TACC1: variants seen among roughly 807,000 people sequenced by gnomAD.
The protein encoded by TACC1 is transforming acidic coiled-coil containing protein 1.
A neutral mutation model predicts 84.4 loss-of-function variants in TACC1; 48 were observed. That is an observed-to-expected ratio of 0.57 (90% CI 0.45 to 0.72). The LOEUF (loss-of-function observed/expected upper bound fraction) is 0.72, where lower values mean the gene tolerates loss of function less well. TACC1 is among the 30% of genes least tolerant of loss of function. The probability of loss-of-function intolerance (pLI) is 0.00; values close to 1 mark genes in which losing one functional copy is unlikely to be tolerated. For synonymous variants in TACC1, 372 were observed against 376.3 expected, an observed-to-expected ratio of 0.99 and a Z score of 0.13; for missense variants, 920 against 973.0, an observed-to-expected ratio of 0.95 and a Z score of 0.72.
chr8:38,848,216 T>A lies in TACC1; in HGVS notation c.*193T>A. On this transcript the variant is annotated 3_prime_UTR_variant, in exon 13 of 13. Transcript: ENST00000317827. ...CTGGAAGAAACCCTAGAGGGTTGCA[T>A]AGTCTAGAAAGGAGTGTGACCTGAC... 1.8e-6 allele frequency: 1 copy of A among 543,730 alleles called. No individual in the cohort carries two copies. The highest frequency in any genetic ancestry group is 3.2e-6 in the Non-Finnish European group (1 of 309,220). 33.7% of individuals were successfully genotyped at this position (543,730 alleles called of 1,614,324 possible). A position where few individuals can be genotyped will look rare whatever the true frequency, so the allele number is the denominator to read the frequency against.
intron 3 of TACC1, among the ~76,000 whole-genome samples, chr8:38,774,973 T>C (rs1237277026): frequency 7.3e-6 from 1 of 136,774 alleles, no homozygotes; most frequent in African/African-American, 2.8e-5. Flanking sequence ...ATCGCACCAC[T>C]GCACTCCAGC....
At chr8:38,744,157 C>T (rs1807609334) in intron 2 of TACC1, 1 of 152,224 alleles carries the variant, frequency 6.6e-6, no homozygotes, top group African/African-American at 2.4e-5. Flanking sequence ...TGCTTGAATT[C>T]AGCGATCCCA....
rs1828273274 is a variant in TACC1, at chr8:38,827,176, G to A, written c.1461G>A (p.Gly487=). The change falls in exon 5 of 13, where the codon GGG becomes GGA. Residue 487 remains glycine, a synonymous_variant. Coordinates refer to ENST00000317827, the MANE Select transcript of TACC1 (RefSeq NM_006283.3). ...LALDACSRDE[G]AVISQISDIS... ...TCTGTTGTGTTTCTCAGGATGAAGG[G>A]GCAGTGATCTCCCAGATTTCAGACA... 6.2e-7 allele frequency: 1 copy of A among 1,613,284 alleles called. No individual in the cohort carries two copies. The highest frequency in any genetic ancestry group is 8.5e-7 in the Non-Finnish European group (1 of 1,179,904).
At chr8:38,830,740 G>A (rs1254505453) in intron 5 of TACC1, among the ~76,000 whole-genome samples, 2 of 152,138 alleles carry the variant, frequency 1.3e-5, no homozygotes, top group East Asian at 3.8e-4. Context: ...CACCCTTCTG[G>A]GCTGGAATTT....
Position 38,843,336 on chromosome 8 carries a change from TAAAC to T in TACC1, c.2172_2175del (p.Gln725ArgfsTer8). 6.2e-7 allele frequency: 1 copy of T among 1,609,010 alleles called. No homozygotes were observed. The highest frequency in any genetic ancestry group is 8.5e-7 in the Non-Finnish European group (1 of 1,177,562). ...GTGCTCAGGATTACTTAGCCAGAGT[TAAAC>T]AAGAGGAGCAGCGATACCAGGCCCT... On this transcript the variant is annotated frameshift_variant, in exon 11 of 13. Transcript: ENST00000317827. LOFTEE classifies it high-confidence loss of function.
At chr8:38,764,504 G>A (rs1300090597) in intron 3 of TACC1, among the ~76,000 whole-genome samples, 1 of 149,624 alleles carries the variant, frequency 6.7e-6, no homozygotes, top group Non-Finnish European at 1.5e-5. Context: ...TCATTAGTAA[G>A]AGAATGTTAT....
intron 3 of TACC1, among the ~76,000 whole-genome samples, chr8:38,765,755 T>C (rs1367447498): frequency 6.6e-6 from 1 of 152,236 alleles, no homozygotes; most frequent in Non-Finnish European, 1.5e-5. Context: ...AATATTTGTT[T>C]ATAATACTGC....
chr8:38,743,321 T>TGAAA (rs1807447502), intron 2 of TACC1, among the ~76,000 whole-genome samples: 1 of 152,030 alleles, frequency 6.6e-6, no homozygotes, highest in Non-Finnish European at 1.5e-5. Flanking sequence ...AATGAATGAA[T>TGAAA]GAATAACTCA....
At chr8:38,811,855 A>G (rs991742128) in intron 2 of TACC1, among the ~76,000 whole-genome samples, 1 of 152,138 alleles carries the variant, frequency 6.6e-6, no homozygotes, top group Admixed American at 6.5e-5. Flanking sequence ...ATAGAGCCAT[A>G]TTTTTCTTCT....
Position 38,787,471 on chromosome 8 carries a change from G to T in TACC1, c.-112G>T, listed in dbSNP as rs1230858046. 1.0e-5 allele frequency: 14 copies of T among 1,395,894 alleles called. No homozygotes were observed. The East Asian group carries it at 3.6e-4, about 36-fold the overall frequency. The allele number at this position is 1,395,894 out of a possible 1,614,324, so 86.5% of individuals were successfully genotyped here. On this transcript the variant is annotated 5_prime_UTR_variant, in exon 1 of 13. Transcript: ENST00000317827. ...CTCGTTTAACCACATCCGCGCCTCT[G>T]CTGGAAACGCTTGCTGGCGCCTGTC...
intron 8 of TACC1, 168 bp from the exon 9 acceptor site, chr8:38,840,056 A>ATG (rs1830916717): frequency 2.4e-6 from 1 of 415,440 alleles, no homozygotes; most frequent in African/African-American, 2.2e-5. Flanking sequence ...ACCTTATATA[A>ATG]TGTAAAAAAA....
intron 7 of TACC1, among the ~76,000 whole-genome samples, chr8:38,836,690 T>C (rs1830307655): frequency 6.6e-6 from 1 of 152,238 alleles, no homozygotes; most frequent in African/African-American, 2.4e-5. Context: ...ATCCATTCTT[T>C]AAACCGTTCA....
At chr8:38,812,409 G>A (rs564743323) in intron 2 of TACC1, among the ~76,000 whole-genome samples, 2 of 152,106 alleles carry the variant, frequency 1.3e-5, no homozygotes. Context: ...CGGCCCAGCT[G>A]TAAAATTCCT....
At chr8:38,824,859 C>T (rs1453700721) in intron 3 of TACC1, 9 of 157,810 alleles carry the variant, frequency 5.7e-5, no homozygotes, top group African/African-American at 1.2e-4. Context: ...TTTTATGAGA[C>T]GTCTATGGCT....
intron 3 of TACC1, among the ~76,000 whole-genome samples, chr8:38,761,250 T>G (rs7016882): frequency 0.44 from 66,306 of 151,918 alleles, 14,924 homozygotes; most frequent in African/African-American, 0.53. Flanking sequence ...AGATTTGAAG[T>G]ATGAGACAAA....
chr8:38,793,753 A>G (rs1050530353), intron 2 of TACC1, among the ~76,000 whole-genome samples: 5 of 152,288 alleles, frequency 3.3e-5, no homozygotes, highest in African/African-American at 1.2e-4. Flanking sequence ...ATCCCCATAA[A>G]TAAAGTTATT....
chr8:38,827,203 T>G lies in TACC1; in HGVS notation c.1488T>G (p.Ile496Met). 1 of 1,614,020 alleles carries G rather than the reference T, an allele frequency of 6.2e-7. No individual in the cohort carries two copies. The highest frequency in any genetic ancestry group is 8.5e-7 in the Non-Finnish European group (1 of 1,180,010). ...EGAVISQISDISNRDGHATDE... is the reference protein window; with the variant it reads ...EGAVISQISDMSNRDGHATDE... ...CAGTGATCTCCCAGATTTCAGACAT[T>G]TCTAATAGGGATGGCCATGCTACTG... The change falls in exon 5 of 13, where the codon ATT becomes ATG. Residue 496 changes from isoleucine (I) to methionine (M), a missense_variant. Around this residue, in one of 2 missense-constraint regions of TACC1, gnomAD observed 762 missense variants for 747.3 expected, o/e 1.02. Transcript: ENST00000317827.
At chr8:38,814,936 T>C (rs1454154207) in intron 2 of TACC1, among the ~76,000 whole-genome samples, 3 of 152,246 alleles carry the variant, frequency 2.0e-5, no homozygotes, top group Admixed American at 2.0e-4. Context: ...ATTTTAGAAG[T>C]AGAATTTTTA....
At chr8:38,787,789 A>C in intron 1 of TACC1, 46 bp downstream of exon 1, 1 of 1,456,100 alleles carries the variant, frequency 6.9e-7, no homozygotes. Flanking sequence ...GCTTGCCTCC[A>C]TCCATCTGCG....
Sources: gnomAD v4.1 joint callset for allele counts (sites outside exome capture counted in the v4.1 genomes callset) on GRCh38, gnomAD v4.1.1 for gene constraint, gnomAD v4.1.1 regional missense constraint, MANE v1.5 for transcripts, NCBI Gene and HGNC (gene_info 2026-07-23, HGNC 2026-07-21) for gene names.